COL22A1: variants seen among roughly 807,000 people sequenced by gnomAD.
COL22A1 encodes collagen type XXII alpha 1 chain, also known as collagen alpha-1(XXII) chain.
In COL22A1, 221 loss-of-function variants were observed where a neutral mutation model predicts 248.9. The observed-to-expected ratio is 0.89, with a 90% CI of 0.80 to 0.99. COL22A1 has a LOEUF of 0.99. Ranked by LOEUF, COL22A1 falls within the 50% of genes least tolerant of loss-of-function variation. The pLI is 0.00. For synonymous variants in COL22A1, 891 were observed against 793.4 expected (o/e 1.12, Z -2.07); for missense variants, 2,240 against 2,179.0 (o/e 1.03, Z -0.56).
intron 45 of COL22A1, among the ~76,000 whole-genome samples, chr8:138,653,308 C>T (rs1184569187): frequency 2.0e-5 from 3 of 152,162 alleles, no homozygotes; most frequent in Non-Finnish European, 4.4e-5. Context: ...AGGCAGAGAA[C>T]TCACTAGCTG....
chr8:138,807,425 C>T (rs965006261), intron 10 of COL22A1, among the ~76,000 whole-genome samples: 1 of 152,154 alleles, frequency 6.6e-6, no homozygotes, highest in Non-Finnish European at 1.5e-5. Flanking sequence ...AAAGCCCAAC[C>T]CCTAAAAGTT....
At chr8:138,625,752 C>T (rs761773566) in intron 51 of COL22A1, among the ~76,000 whole-genome samples, 3 of 152,184 alleles carry the variant, frequency 2.0e-5, no homozygotes, top group Non-Finnish European at 4.4e-5. Context: ...CATTATGGTG[C>T]ATCCATTGCG....
At position 138,678,745 on chromosome 8, in the gene COL22A1, C is replaced by A. The variant is rs189651106; in HGVS notation, c.3072+872G>T. Among the ~76,000 whole-genome samples the A allele has an allele frequency of 1.4e-3, 208 of 152,172 alleles. 4 individuals carry two copies. The East Asian group carries it at 0.035, about 26-fold the overall frequency. On this transcript the variant is annotated intron_variant, in intron 40 of 64. Coordinates refer to ENST00000303045, the MANE Select transcript of COL22A1 (RefSeq NM_152888.3). The stretch of plus-strand genomic sequence containing the variant: ...AGGTCCAGTCTCAGGACCAAATCAA[C>A]CTCATCCTGTGACCTTCGGTAAGTC...
chr8:138,897,800 GA>G lies in COL22A1; in HGVS notation c.-72-14557del, dbSNP rs796683127. Among the ~76,000 whole-genome samples the G allele has an allele frequency of 1.9e-3, 268 of 144,038 alleles. 1 individual carries two copies. Among genetic ancestry groups the G allele is most frequent in the African/African-American group, 4.7e-3 (183 of 39,304 alleles). The allele number at this position is 144,038 out of a possible 152,430, so 94.5% of individuals were successfully genotyped here. ...TCCTTCATTCTGAAAAACAACAACA[GA>G]AAAAAAAAAACGGCTGAACTAGAGA... is the stretch of plus-strand genomic sequence containing the variant. On this transcript the variant is annotated intron_variant, in intron 1 of 64. Coordinates refer to ENST00000303045, the MANE Select transcript of COL22A1 (RefSeq NM_152888.3).
intron 40 of COL22A1, among the ~76,000 whole-genome samples, chr8:138,678,941 G>T (rs542402677): frequency 2.6e-5 from 4 of 152,266 alleles, no homozygotes; most frequent in Admixed American, 2.0e-4. Context: ...TTTGAGACAA[G>T]GTCTTGCTCT....
At chr8:138,800,007 T>C (rs1195154858) in intron 11 of COL22A1, among the ~76,000 whole-genome samples, 1 of 152,242 alleles carries the variant, frequency 6.6e-6, no homozygotes. Flanking sequence ...CTCCACATTC[T>C]GTTTCAAAGT....
intron 1 of COL22A1, among the ~76,000 whole-genome samples, chr8:138,913,133 C>A (rs1815574724): frequency 6.6e-6 from 1 of 152,088 alleles, no homozygotes; most frequent in African/African-American, 2.4e-5. Context: ...AAGCTAAGTT[C>A]CCTGACAGTA....
At chr8:138,591,712 A>G (rs113442637) in intron 63 of COL22A1, among the ~76,000 whole-genome samples, 8 of 152,290 alleles carry the variant, frequency 5.3e-5, no homozygotes, top group African/African-American at 1.9e-4. Flanking sequence ...ACTCACATTC[A>G]GAAGTATGCA....
chr8:138,644,894 A>G (rs575925457), intron 47 of COL22A1, among the ~76,000 whole-genome samples: 1 of 152,224 alleles, frequency 6.6e-6, no homozygotes, highest in East Asian at 1.9e-4. Flanking sequence ...TGTGGGACGG[A>G]CGGCCCGCAA....
chr8:138,878,745 C>T (rs538593071), intron 2 of COL22A1, among the ~76,000 whole-genome samples: 2 of 152,304 alleles, frequency 1.3e-5, no homozygotes, highest in African/African-American at 2.4e-5. Context: ...CGGTGGTTCA[C>T]GCCTGTAATC....
intron 5 of COL22A1, among the ~76,000 whole-genome samples, chr8:138,827,650 G>A (rs750181817): frequency 4.0e-5 from 6 of 151,672 alleles, no homozygotes; most frequent in East Asian, 1.9e-4. Flanking sequence ...CCAAGTCCTC[G>A]GGCTGCTTTT....
At chr8:138,663,515 G>A (rs1001078434) in intron 42 of COL22A1, among the ~76,000 whole-genome samples, 190 bp downstream of exon 42, 1 of 152,132 alleles carries the variant, frequency 6.6e-6, no homozygotes, top group Non-Finnish European at 1.5e-5. Flanking sequence ...TCCCTTCTCT[G>A]CTCATATGTA....
chr8:138,885,449 G>C (rs187517790), intron 1 of COL22A1, among the ~76,000 whole-genome samples: 72 of 152,284 alleles, frequency 4.7e-4, no homozygotes, highest in Middle Eastern at 3.4e-3. Flanking sequence ...TCTACATCAA[G>C]TCTAGGTGTC....
Position 138,589,362 on chromosome 8 carries a change from C to T in COL22A1, c.4772G>A (p.Gly1591Glu). The change falls in exon 65 of 65, where the codon GGA becomes GAA. Residue 1591 changes from glycine to glutamate, a missense_variant. By Grantham distance (98) the Gly-to-Glu change is moderately conservative (BLOSUM62 -2). Transcript: ENST00000303045. ...GGGAGGTCCTGGGAGGCCAGGATGT[C>T]CAGCTGGTCCTGTCTCCCCTTGAGG... ...PGPQGETGPA[G>E]HPGLPGPPGP... 1 of 1,610,760 alleles carries T rather than the reference C, an allele frequency of 6.2e-7. No homozygotes were observed. The highest frequency in any genetic ancestry group is 8.5e-7 in the Non-Finnish European group (1 of 1,178,490).
intron 60 of COL22A1, 122 bp from the exon 61 acceptor site, chr8:138,599,020 G>T (rs1817771911): frequency 1.0e-6 from 1 of 988,518 alleles, no homozygotes; most frequent in Admixed American, 2.2e-5. Context: ...TTGGCCCTGG[G>T]TGGCCCATGT....
intron 41 of COL22A1, among the ~76,000 whole-genome samples, chr8:138,664,209 G>GCGCACACACACA (rs1440442280): frequency 3.9e-5 from 4 of 103,204 alleles, no homozygotes; most frequent in East Asian, 6.5e-4. Flanking sequence ...GCGCGCGCGC[G>GCGCACACACACA]CACACACACA....
intron 4 of COL22A1, among the ~76,000 whole-genome samples, chr8:138,840,319 T>A (rs1820787270): frequency 6.6e-6 from 1 of 152,034 alleles, no homozygotes; most frequent in Non-Finnish European, 1.5e-5. Flanking sequence ...CAGTATTTGC[T>A]CTTCAGACTG....
At chr8:138,803,432 C>T (rs6995351) in intron 10 of COL22A1, among the ~76,000 whole-genome samples, 1 of 151,956 alleles carries the variant, frequency 6.6e-6, no homozygotes, top group Non-Finnish European at 1.5e-5. Context: ...GCTTAGCTTC[C>T]GAGATCAGAC....
In COL22A1 at chr8:138,855,959, C is replaced by T. The variant is rs140549234; in HGVS notation, c.659-11801G>A. ...CCTTTGGAGCCATGCACAGCTCAGGCTGACTTTGATTCTTCTTAGAGGGAG... is the reference window on the plus strand; with the variant it reads ...CCTTTGGAGCCATGCACAGCTCAGGTTGACTTTGATTCTTCTTAGAGGGAG... On this transcript the variant is annotated intron_variant, in intron 3 of 64. Transcript: ENST00000303045. Among the ~76,000 whole-genome samples the T allele has an allele frequency of 4.0e-4, 61 of 152,296 alleles. No individual in the cohort carries two copies. The East Asian group carries it at 0.012, about 29-fold the overall frequency.
Sources: gnomAD v4.1 joint callset for allele counts (sites outside exome capture counted in the v4.1 genomes callset) on GRCh38, gnomAD v4.1.1 for gene constraint, MANE v1.5 for transcripts, NCBI Gene and HGNC (gene_info 2026-07-23, HGNC 2026-07-21) for gene names.